The following GRB10 variants were observed in gnomAD, a reference collection of about 807,000 sequenced individuals.
GRB10 encodes growth factor receptor-bound protein 10.
Under a neutral mutation model 80.9 loss-of-function variants are expected in GRB10, and 20 were observed. The ratio of observed to expected loss-of-function variants is 0.25; its 90% CI spans 0.17 to 0.36. The LOEUF (loss-of-function observed/expected upper bound fraction) is 0.36. Among genes scored for constraint, GRB10 ranks in the 10% least tolerant of loss-of-function variants. GRB10 has a pLI of 1.00. For synonymous variants in GRB10, 291 were observed against 291.5 expected (o/e 1.00, Z 0.02); for missense variants, 548 against 747.7 (o/e 0.73, Z 3.12).
chr7:50,621,467 A>G (rs7790419), intron 8 of GRB10, among the ~76,000 whole-genome samples: 3,864 of 152,308 alleles, frequency 0.025, 147 homozygotes, highest in African/African-American at 0.088. Flanking sequence ...CACTCACAGC[A>G]GGTCAGTGAA....
intron 3 of GRB10, among the ~76,000 whole-genome samples, chr7:50,754,471 T>C (rs952700987): frequency 6.6e-6 from 1 of 152,118 alleles, no homozygotes; most frequent in Non-Finnish European, 1.5e-5. Context: ...GGGCGGGAGC[T>C]GCAGGAGGCT....
At chr7:50,790,670 C>T (rs1453549148) in intron 1 of GRB10, among the ~76,000 whole-genome samples, 13 of 152,240 alleles carry the variant, frequency 8.5e-5, no homozygotes. Context: ...TCTACGATCC[C>T]GTAGGTTTCT....
chr7:50,634,195 G>C (rs933205632), intron 7 of GRB10, among the ~76,000 whole-genome samples: 2 of 152,188 alleles, frequency 1.3e-5, no homozygotes, highest in Non-Finnish European at 2.9e-5. Context: ...GGACTTCTCA[G>C]CAGAAACCTT....
At chr7:50,775,779 T>C (rs772371428) in intron 2 of GRB10, among the ~76,000 whole-genome samples, 1 of 152,240 alleles carries the variant, frequency 6.6e-6, no homozygotes, top group Non-Finnish European at 1.5e-5. Flanking sequence ...TCTGCATACT[T>C]GCAGACTTAG....
At chr7:50,733,290 A>C (rs2070207400) in intron 3 of GRB10, among the ~76,000 whole-genome samples, 1 of 152,222 alleles carries the variant, frequency 6.6e-6, no homozygotes, top group African/African-American at 2.4e-5. Context: ...ATGGACTTCC[A>C]ATATCCAGAC....
rs570505659 is a variant in GRB10 at position 50,604,505 on chromosome 7, T to C, written c.1390-128A>G. On this transcript the variant is annotated intron_variant, in intron 15 of 18. Transcript: ENST00000401949. ...TGGGCTCACAAGGGACCTTGCCCCA[T>C]CTGAAGACCCCACTGACCCCTGAGA... 2.0e-4 allele frequency: 161 copies of C among 796,674 alleles called. 1 individual carries two copies. Among genetic ancestry groups the C allele is most frequent in the Non-Finnish European group, 3.5e-4 (155 of 445,738 alleles). The allele number at this position is 796,674 out of a possible 1,614,324, so 49.4% of individuals were successfully genotyped here.
At chr7:50,647,759 G>T (rs1467400868) in intron 7 of GRB10, among the ~76,000 whole-genome samples, 1 of 152,200 alleles carries the variant, frequency 6.6e-6, no homozygotes, top group Non-Finnish European at 1.5e-5. Flanking sequence ...GACGACACAG[G>T]CAAGGAAAGT....
chr7:50,603,816 C>T (rs137884948), intron 17 of GRB10, among the ~76,000 whole-genome samples, 182 bp downstream of exon 17: 2 of 152,350 alleles, frequency 1.3e-5, no homozygotes, highest in African/African-American at 2.4e-5. Context: ...TCCCTTTCTG[C>T]CCCTTACTAG....
rs2045841096 is a variant in GRB10, at chr7:50,591,488, T to C, written c.*1464A>G. On this transcript the variant is annotated 3_prime_UTR_variant, in exon 19 of 19. Coordinates refer to ENST00000401949, the MANE Select transcript of GRB10 (RefSeq NM_001350814.2). ...AAGGAAATCATTCTGCTCACCACAG[T>C]AGTTTGTCGCCTGTCAAAGGAGTCC... 1 of 152,170 alleles carries C rather than the reference T, an allele frequency of 6.6e-6. No individual in the cohort carries two copies. The highest frequency in any genetic ancestry group is 1.5e-5 in the Non-Finnish European group (1 of 68,130). The allele number at this position is 152,170 out of a possible 1,614,324, so 9.4% of individuals were successfully genotyped here.
intron 1 of GRB10, among the ~76,000 whole-genome samples, chr7:50,791,396 C>T (rs746775698): frequency 2.6e-5 from 4 of 152,080 alleles, no homozygotes; most frequent in Non-Finnish European, 5.9e-5. Context: ...CATACCTGAC[C>T]CACGCCATTT....
chr7:50,657,798 C>T (rs1274115854), intron 7 of GRB10, among the ~76,000 whole-genome samples: 1 of 152,216 alleles, frequency 6.6e-6, no homozygotes, highest in Non-Finnish European at 1.5e-5. Flanking sequence ...CCAGACTTGG[C>T]ACCAACAGCA....
At chr7:50,628,120 C>T (rs552923773) in intron 7 of GRB10, among the ~76,000 whole-genome samples, 19 of 152,330 alleles carry the variant, frequency 1.2e-4, no homozygotes, top group Non-Finnish European at 2.4e-4. Flanking sequence ...GAAAAACCCC[C>T]GCTCAATGCT....
intron 8 of GRB10, among the ~76,000 whole-genome samples, chr7:50,625,750 C>T (rs1237324376): frequency 6.6e-6 from 1 of 152,214 alleles, no homozygotes; most frequent in African/African-American, 2.4e-5. Flanking sequence ...AAAAAGCATA[C>T]CGTCTCTCCA....
chr7:50,759,568 T>C (rs2075515925), intron 2 of GRB10, among the ~76,000 whole-genome samples: 1 of 152,356 alleles, frequency 6.6e-6, no homozygotes, highest in Admixed American at 6.5e-5. Context: ...AAATGCTATA[T>C]TGTTTATGCT....
chr7:50,745,967 G>T (rs962861015), intron 3 of GRB10, among the ~76,000 whole-genome samples: 2 of 152,178 alleles, frequency 1.3e-5, no homozygotes, highest in Admixed American at 6.5e-5. Context: ...GGCAAATCTT[G>T]AACAAGGCCT....
chr7:50,674,662 C>A lies in GRB10; in HGVS notation c.140-4G>T, dbSNP rs762136113. Reference sequence around the variant, plus strand: ...GCTTCCAGGTCCACATCATCCTCTGCACAGAAAAAGGCAAGAGCAAAAAAG... The same window carrying A: ...GCTTCCAGGTCCACATCATCCTCTGAACAGAAAAAGGCAAGAGCAAAAAAG... On this transcript the variant is annotated splice_region_variant and splice_polypyrimidine_tract_variant and intron_variant, in intron 5 of 18. Transcript: ENST00000401949. The A allele has an allele frequency of 6.8e-6, 11 of 1,612,808 alleles. No individual in the cohort carries two copies. The highest frequency in any genetic ancestry group is 9.3e-6 in the Non-Finnish European group (11 of 1,179,510).
chr7:50,760,298 A>G (rs1277625824), intron 2 of GRB10, among the ~76,000 whole-genome samples: 1 of 152,254 alleles, frequency 6.6e-6, no homozygotes, highest in African/African-American at 2.4e-5. Flanking sequence ...ATAGGTATGC[A>G]TATTTTAGGT....
intron 5 of GRB10, among the ~76,000 whole-genome samples, chr7:50,692,680 T>C (rs1399570007): frequency 2.0e-5 from 3 of 152,132 alleles, no homozygotes; most frequent in Non-Finnish European, 2.9e-5. Context: ...CCAGGCAGTA[T>C]AGTAGAACCT....
chr7:50,733,788 C>A (rs1306508053), intron 3 of GRB10, among the ~76,000 whole-genome samples: 2 of 152,216 alleles, frequency 1.3e-5, no homozygotes, highest in African/African-American at 4.8e-5. Flanking sequence ...TAGTCAAACA[C>A]CAGTCTGGCT....
Sources: gnomAD v4.1 joint callset for allele counts (sites outside exome capture counted in the v4.1 genomes callset) on GRCh38, gnomAD v4.1.1 for gene constraint, MANE v1.5 for transcripts, NCBI Gene and HGNC (gene_info 2026-07-23, HGNC 2026-07-21) for gene names.